ASRGL1: variants seen among roughly 807,000 people sequenced by gnomAD.
The protein encoded by ASRGL1 is isoaspartyl peptidase/L-asparaginase.
A neutral mutation model predicts 22.4 loss-of-function variants in ASRGL1; 16 were observed. The ratio of observed to expected loss-of-function variants is 0.71; its 90% CI spans 0.48 to 1.08. The LOEUF (loss-of-function observed/expected upper bound fraction) is 1.08. ASRGL1 is among the 50% of genes least tolerant of loss of function. The probability of loss-of-function intolerance (pLI) is 0.00; values close to 1 mark genes in which losing one functional copy is unlikely to be tolerated. For synonymous variants in ASRGL1, 165 were observed against 159.3 expected (o/e 1.04, Z -0.27); for missense variants, 412 against 410.1 (o/e 1.00, Z -0.04).
chr11:62,378,104 G>C (rs923530732), intron 4 of ASRGL1, among the ~76,000 whole-genome samples: 1 of 152,238 alleles, frequency 6.6e-6, no homozygotes, highest in East Asian at 1.9e-4. Flanking sequence ...AGAGTTGGCC[G>C]AATCCAATTA....
chr11:62,367,483 A>T (rs1946640328), intron 4 of ASRGL1, among the ~76,000 whole-genome samples: 1 of 151,392 alleles, frequency 6.6e-6, no homozygotes, highest in Non-Finnish European at 1.5e-5. Flanking sequence ...TGTCTCTACT[A>T]AAAATACAAA....
chr11:62,386,454 A>ACATATCATACATATCATAGATATGTG (rs1947207536), intron 4 of ASRGL1, among the ~76,000 whole-genome samples: 1 of 151,754 alleles, frequency 6.6e-6, no homozygotes, highest in Non-Finnish European at 1.5e-5. Context: ...ATAGATATGT[A>ACATATCATACATATCATAGATATGTG]CATATCATAC....
At chr11:62,383,934 T>G (rs1000845878) in intron 4 of ASRGL1, among the ~76,000 whole-genome samples, 1 of 137,742 alleles carries the variant, frequency 7.3e-6, no homozygotes, top group South Asian at 2.3e-4. Context: ...AAAAAATCAG[T>G]ACTCCCTGGA....
the ASRGL1 span, among the ~76,000 whole-genome samples, chr11:62,401,315 G>T: frequency 1.1e-4 from 16 of 152,344 alleles, no homozygotes; most frequent in African/African-American, 3.4e-4. Flanking sequence ...CATAGTTGGG[G>T]GCTGGGGGAG....
chr11:62,391,825 A>T (rs1187294817), intron 6 of ASRGL1, 193 bp downstream of exon 6: 2 of 758,766 alleles, frequency 2.6e-6, no homozygotes, highest in East Asian at 2.7e-5. Context: ...GAGTACTGTT[A>T]TCTTCCACAT....
At chr11:62,380,258 G>A (rs34956831) in intron 4 of ASRGL1, among the ~76,000 whole-genome samples, 41,506 of 151,904 alleles carry the variant, frequency 0.27, 5,794 homozygotes, top group South Asian at 0.36. Flanking sequence ...CAGGATTGGC[G>A]TTTCCATATG....
Position 62,338,164 on chromosome 11 carries a change from G to T in ASRGL1, c.187G>T (p.Ala63Ser), listed in dbSNP as rs368066404. 2 of 1,560,986 alleles carry T rather than the reference G, an allele frequency of 1.3e-6. No homozygotes were observed. Among genetic ancestry groups the T allele is most frequent in the East Asian group, 2.3e-5 (1 of 44,102 alleles). ...VALEDDPEFNAGCGSVLNTNG... is the reference protein window; with the variant it reads ...VALEDDPEFNSGCGSVLNTNG... The stretch of plus-strand genomic sequence containing the variant: ...CCTGGAAGACGATCCCGAGTTCAAC[G>T]CAGGTAAATGTGCCTTTCAGCTAGT... The change falls in exon 2 of 7, where the codon GCA (alanine) becomes TCA (serine). Residue 63 changes from alanine (A) to serine (S), a missense_variant. Transcript: ENST00000415229.
chr11:62,363,929 G>T (rs893402685), intron 4 of ASRGL1, among the ~76,000 whole-genome samples: 2 of 152,020 alleles, frequency 1.3e-5, no homozygotes, highest in African/African-American at 4.8e-5. Context: ...GGCCGAGGTG[G>T]GTGGATTGCC....
At chr11:62,370,024 G>A (rs565359616) in intron 4 of ASRGL1, among the ~76,000 whole-genome samples, 1 of 152,250 alleles carries the variant, frequency 6.6e-6, no homozygotes, top group African/African-American at 2.4e-5. Flanking sequence ...CTGAACAGAA[G>A]AGTACAATGC....
chr11:62,338,078 G>GC lies in ASRGL1; in HGVS notation c.102dup (p.Tyr35LeufsTer40), dbSNP rs778531786. The GC allele has an allele frequency of 6.2e-7, 1 of 1,607,828 alleles. No individual in the cohort carries two copies. The highest frequency in any genetic ancestry group is 1.3e-5 in the African/African-American group (1 of 74,834). On this transcript the variant is annotated frameshift_variant, in exon 2 of 7. Coordinates refer to ENST00000415229, the MANE Select transcript of ASRGL1 (RefSeq NM_001083926.2). LOFTEE classifies it high-confidence loss of function. ...GGCATGGTCAGAGCCGCCACCGTGG[G>GC]CTACGGCATCCTCCGGGAGGGCGGG...
At chr11:62,349,114 A>C (rs1274980174) in intron 2 of ASRGL1, among the ~76,000 whole-genome samples, 1 of 152,110 alleles carries the variant, frequency 6.6e-6, no homozygotes, top group Non-Finnish European at 1.5e-5. Flanking sequence ...GATTACAGGC[A>C]TGCACCACCA....
chr11:62,340,616 T>G (rs1333383402), intron 2 of ASRGL1, among the ~76,000 whole-genome samples: 2 of 152,174 alleles, frequency 1.3e-5, no homozygotes, highest in African/African-American at 4.8e-5. Context: ...CCAGAGGCCT[T>G]CCTTCTCAAC....
chr11:62,350,911 T>C (rs1194815197), intron 2 of ASRGL1, among the ~76,000 whole-genome samples: 1 of 152,238 alleles, frequency 6.6e-6, no homozygotes, highest in Admixed American at 6.5e-5. Context: ...TGCTATTGTA[T>C]GTCTAGTGTT....
At chr11:62,373,253 CAA>C (rs777977632) in intron 4 of ASRGL1, 84 of 770,084 alleles carry the variant, frequency 1.1e-4, no homozygotes, top group Non-Finnish European at 1.8e-4. Flanking sequence ...GGAAGTCAAA[CAA>C]GGAATTTAAA....
chr11:62,393,891 G>C (rs1217792705), downstream of ASRGL1, among the ~76,000 whole-genome samples: 1 of 151,334 alleles, frequency 6.6e-6, no homozygotes, highest in Non-Finnish European at 1.5e-5. Context: ...GTAATAGCTG[G>C]CCATCTTCTC....
chr11:62,344,414 A>C (rs543944743), intron 2 of ASRGL1, among the ~76,000 whole-genome samples: 1 of 152,296 alleles, frequency 6.6e-6, no homozygotes, highest in East Asian at 1.9e-4. Flanking sequence ...TCAACTTTGC[A>C]GAAGTCCAGT....
At chr11:62,342,906 A>G (rs955574360) in intron 2 of ASRGL1, among the ~76,000 whole-genome samples, 3 of 152,226 alleles carry the variant, frequency 2.0e-5, no homozygotes, top group Non-Finnish European at 1.5e-5. Context: ...CATTGTATGA[A>G]TATACCACAG....
At chr11:62,364,844 A>G (rs570052287) in intron 4 of ASRGL1, among the ~76,000 whole-genome samples, 20 of 152,176 alleles carry the variant, frequency 1.3e-4, no homozygotes, top group African/African-American at 4.8e-4. Flanking sequence ...TGAGGCGGGC[A>G]GATCACCTGA....
At chr11:62,344,200 G>A (rs541099381) in intron 2 of ASRGL1, among the ~76,000 whole-genome samples, 5 of 152,050 alleles carry the variant, frequency 3.3e-5, no homozygotes, top group East Asian at 3.9e-4. Flanking sequence ...TTGGCCTGTC[G>A]TTCATATTTC....
Sources: allele counts gnomAD v4.1 joint callset (sites outside exome capture counted in the v4.1 genomes callset), GRCh38; gene constraint gnomAD v4.1.1; transcripts MANE v1.5; gene names NCBI Gene and HGNC (gene_info 2026-07-23, HGNC 2026-07-21).